Variants in SEMA4C observed in about 807,000 individuals in gnomAD.
SEMA4C encodes semaphorin 4C.
SEMA4C carries 19 observed loss-of-function variants against 89.0 expected under a neutral mutation model. The observed-to-expected ratio is 0.21, with a 90% CI of 0.15 to 0.31. SEMA4C has a LOEUF of 0.31. Ranked by LOEUF, SEMA4C falls within the 10% of genes least tolerant of loss-of-function variation. The probability of loss-of-function intolerance (pLI) is 1.00; values close to 1 mark genes in which losing one functional copy is unlikely to be tolerated. For missense variants in SEMA4C, 811 were observed against 1,107.0 expected (o/e 0.73, Z 3.79); for synonymous variants, 428 against 472.7 (o/e 0.91, Z 1.23).
intron 12 of SEMA4C, chr2:96,863,415 T>C (rs771079779): frequency 1.2e-4 from 144 of 1,226,666 alleles, no homozygotes; most frequent in Non-Finnish European, 1.3e-4. Context: ...GAAAGAAACA[T>C]GGGAGCAGTT....
Position 96,861,665 on chromosome 2 carries a change from G to C in SEMA4C, c.1602-16C>G. The stretch of plus-strand genomic sequence containing the variant: ...CAGTAGAGATCTGGTAGGGGATGTA[G>C]GGTACATCAGCAGCCTGGCTCCAAC... On this transcript the variant is annotated splice_polypyrimidine_tract_variant and intron_variant, in intron 13 of 14. Transcript: ENST00000305476. The surrounding 1 kb of genome is among the most constrained non-coding windows in gnomAD (Gnocchi z 7.8). The C allele has an allele frequency of 6.3e-7, 1 of 1,589,034 alleles. No individual in the cohort carries two copies. The highest frequency in any genetic ancestry group is 8.6e-7 in the Non-Finnish European group (1 of 1,164,766).
rs367619112 is a variant in SEMA4C at position 96,864,907 on chromosome 2, G to A, written c.787-27C>T. The A allele has an allele frequency of 8.1e-5, 130 of 1,611,290 alleles. No homozygotes were observed. Among genetic ancestry groups the A allele is most frequent in the Non-Finnish European group, 1.1e-4 (125 of 1,178,820 alleles). ...TGGCAGACGGCAAGGGGACACTGCCGGTCAGCCCCGCTGGGCCAGCAGGGC... is the reference window on the plus strand; with the variant it reads ...TGGCAGACGGCAAGGGGACACTGCCAGTCAGCCCCGCTGGGCCAGCAGGGC... On this transcript the variant is annotated intron_variant, in intron 8 of 14. Transcript: ENST00000305476. The surrounding 1 kb of genome is among the most constrained non-coding windows in gnomAD (Gnocchi z 6.3).
At position 96,870,025 on chromosome 2, in the gene SEMA4C, C is replaced by T; in HGVS notation, c.-187G>A. 2 of 985,524 alleles carry T rather than the reference C, an allele frequency of 2.0e-6. No homozygotes were observed. Among genetic ancestry groups the T allele is most frequent in the Non-Finnish European group, 2.4e-6 (2 of 829,520 alleles). The allele number at this position is 985,524 out of a possible 1,614,324, so 61.0% of individuals were successfully genotyped here. ...CCGCCCCTCCGTCCCCGCCCGGCTC[C>T]GCGCCCCTAGGCTCGGGCTCCCCGC... On this transcript the variant is annotated 5_prime_UTR_variant, in exon 1 of 15. Transcript: ENST00000305476.
intron 1 of SEMA4C, chr2:96,868,933 G>C: frequency 2.0e-6 from 2 of 985,408 alleles, no homozygotes; most frequent in East Asian, 2.3e-4. Context: ...CGTGCCAGGG[G>C]CGGAGACGCA....
chr2:96,866,169 C>T, intron 3 of SEMA4C, 114 bp downstream of exon 3: 1 of 1,435,224 alleles, frequency 7.0e-7, no homozygotes, highest in Middle Eastern at 2.6e-4. Flanking sequence ...GCCCCGGATG[C>T]CCAGCAGCAC....
rs1188612456 is a variant in SEMA4C at position 96,860,537 on chromosome 2, C to T, written c.*89G>A. The stretch of plus-strand genomic sequence containing the variant: ...GTATCTGTCCCAGACAGAGCAGGTG[C>T]CCGTGCCATGTCCCTGAGGTAGCTG... On this transcript the variant is annotated 3_prime_UTR_variant, in exon 15 of 15. Transcript: ENST00000305476. The T allele has an allele frequency of 1.7e-6, 2 of 1,189,484 alleles. No individual in the cohort carries two copies. Among genetic ancestry groups the T allele is most frequent in the African/African-American group, 1.5e-5 (1 of 65,980 alleles). The allele number at this position is 1,189,484 out of a possible 1,614,324, so 73.7% of individuals were successfully genotyped here. A position where few individuals can be genotyped will look rare whatever the true frequency, so the allele number is the denominator to read the frequency against.
In SEMA4C at chr2:96,860,265, A is replaced by G. The variant is rs1286321698; in HGVS notation, c.*361T>C. ...AAGACTTGACAGAAACAGGAAGGCTATGCCACAAGCGCGCACGCGCGTGCA... is the reference window on the plus strand; with the variant it reads ...AAGACTTGACAGAAACAGGAAGGCTGTGCCACAAGCGCGCACGCGCGTGCA... On this transcript the variant is annotated 3_prime_UTR_variant, in exon 15 of 15. Coordinates refer to ENST00000305476, the MANE Select transcript of SEMA4C (RefSeq NM_017789.5). 4 of 227,018 alleles carry G rather than the reference A, an allele frequency of 1.8e-5. No individual in the cohort carries two copies. The highest frequency in any genetic ancestry group is 4.5e-5 in the African/African-American group (2 of 44,154). The allele number at this position is 227,018 out of a possible 1,614,324, so 14.1% of individuals were successfully genotyped here.
At position 96,867,764 on chromosome 2, in the gene SEMA4C, C is replaced by G; in HGVS notation, c.109+14G>C. ...CCTGTCCCTGACTTCCTCCTCACCC[C>G]TCCAGGCACTCACCCCCAGAAGACA... On this transcript the variant is annotated intron_variant, in intron 2 of 14. Transcript: ENST00000305476. 1.9e-6 allele frequency: 3 copies of G among 1,612,610 alleles called. No homozygotes were observed. In the South Asian group the frequency reaches 3.3e-5, roughly 18 times the overall value.
intron 3 of SEMA4C, 58 bp downstream of exon 3, chr2:96,866,225 C>A: frequency 6.5e-7 from 1 of 1,544,786 alleles, no homozygotes; most frequent in South Asian, 1.2e-5. Context: ...CCAAGCACAG[C>A]CCCTCTGGGC....
chr2:96,864,986 G>C lies in SEMA4C; in HGVS notation c.764C>G (p.Ala255Gly). The change falls in exon 8 of 15, where the codon GCT (alanine) becomes GGT (glycine). Residue 255 changes from alanine to glycine, a missense_variant. By Grantham distance (60) the Ala-to-Gly change is moderately conservative. Coordinates refer to ENST00000305476, the MANE Select transcript of SEMA4C (RefSeq NM_017789.5). The surrounding 1 kb of genome is among the most constrained non-coding windows in gnomAD (Gnocchi z 6.3). ...ESDCYAEQVV[A>G]RVARVCKGDM... ...TACCTTGCAGACACGGGCCACACGA[G>C]CCACCACCTGCTCGGCATAGCAGTC... is the stretch of plus-strand genomic sequence containing the variant. 1 of 1,570,214 alleles carries C rather than the reference G, an allele frequency of 6.4e-7. No individual in the cohort carries two copies. Among genetic ancestry groups the C allele is most frequent in the Non-Finnish European group, 8.6e-7 (1 of 1,157,954 alleles).
chr2:96,864,650 T>C lies in SEMA4C; in HGVS notation c.962+55A>G. 1 of 1,559,328 alleles carries C rather than the reference T, an allele frequency of 6.4e-7. No individual in the cohort carries two copies. Among genetic ancestry groups the C allele is most frequent in the Non-Finnish European group, 8.7e-7 (1 of 1,148,870 alleles). ...GGTCCAGGCTCCCACCCATGCACCG[T>C]CCCTGACCTGAACCCCAGCTCCTCC... On this transcript the variant is annotated intron_variant, in intron 9 of 14. Transcript: ENST00000305476. This position sits in a 1 kb window ranked among gnomAD's most constrained non-coding sequence, Gnocchi z 6.3.
In SEMA4C at chr2:96,860,265, A is replaced by C; in HGVS notation, c.*361T>G. On this transcript the variant is annotated 3_prime_UTR_variant, in exon 15 of 15. Coordinates refer to ENST00000305476, the MANE Select transcript of SEMA4C (RefSeq NM_017789.5). ...AAGACTTGACAGAAACAGGAAGGCTATGCCACAAGCGCGCACGCGCGTGCA... is the reference window on the plus strand; with the variant it reads ...AAGACTTGACAGAAACAGGAAGGCTCTGCCACAAGCGCGCACGCGCGTGCA... The C allele has an allele frequency of 4.4e-6, 1 of 227,136 alleles. No homozygotes were observed. The highest frequency in any genetic ancestry group is 8.5e-6 in the Non-Finnish European group (1 of 117,010). 14.1% of individuals were successfully genotyped at this position (227,136 alleles called of 1,614,324 possible).
At chr2:96,866,658 G>A in intron 2 of SEMA4C, 1 of 690,380 alleles carries the variant, frequency 1.4e-6, no homozygotes, top group Non-Finnish European at 2.6e-6. Flanking sequence ...CTGGGAGGAA[G>A]GAAGGATATC....
intron 1 of SEMA4C, chr2:96,869,321 C>T: frequency 1.0e-6 from 1 of 985,324 alleles, no homozygotes; most frequent in South Asian, 4.7e-5. Flanking sequence ...GGGATCCAGG[C>T]GGGGCACCCC....
rs764339263 is a variant in SEMA4C, at chr2:96,864,373, C to T, written c.972G>A (p.Met324Ile). The change falls in exon 10 of 15, where the codon ATG becomes ATA. Residue 324 changes from methionine to isoleucine, a missense_variant. Met to Ile is a conservative substitution (Grantham distance 10, BLOSUM62 1). This residue lies in a region of SEMA4C where 441 missense variants were observed against 664.9 expected (regional missense o/e 0.66). Transcript: ENST00000305476. The surrounding 1 kb of genome is among the most constrained non-coding windows in gnomAD (Gnocchi z 6.3). The part of the protein sequence containing the change: ...FGVFQAQWGD[M>I]YLSAICEYQL... Reference sequence around the variant, plus strand: ...GGTACTCACAGATGGCCGACAGGTACATGTCACCCCTGTCACAGCGAGAGG... The same window carrying T: ...GGTACTCACAGATGGCCGACAGGTATATGTCACCCCTGTCACAGCGAGAGG... The T allele has an allele frequency of 5.0e-6, 8 of 1,613,632 alleles. No individual in the cohort carries two copies. In the Admixed American group the frequency reaches 5.0e-5, roughly 10 times the overall value.
chr2:96,869,672 T>C (rs1029670671), intron 1 of SEMA4C: 15 of 985,060 alleles, frequency 1.5e-5, no homozygotes, highest in Non-Finnish European at 1.8e-5. Context: ...CTGCAGGTGC[T>C]GTGCGCCCCA....
In SEMA4C at chr2:96,863,753, C is replaced by T. The variant is rs764016380; in HGVS notation, c.1372G>A (p.Val458Ile). ...AGCTGCAGCTCCTCAATCAGGTGAA[C>T]CCAGGGCCCCAGGCTCACAGCCTTG... ...LLKAVSLGPW[V>I]HLIEELQLFD... is the part of the protein sequence containing the mutation. The change falls in exon 12 of 15, where the codon GTT (valine) becomes ATT (isoleucine). Residue 458 changes from valine (V) to isoleucine (I), a missense_variant. By Grantham distance (29) the Val-to-Ile change is conservative (BLOSUM62 3). Around this residue, in one of 4 missense-constraint regions of SEMA4C, gnomAD observed 441 missense variants for 664.9 expected, o/e 0.66. Transcript: ENST00000305476. The T allele has an allele frequency of 4.0e-5, 64 of 1,613,896 alleles. No individual in the cohort carries two copies. The highest frequency in any genetic ancestry group is 6.7e-5 in the Admixed American group (4 of 60,004).
rs2080006973 is a variant in SEMA4C at position 96,863,806 on chromosome 2, AGAG to A, written c.1331-15_1331-13del. Reference sequence around the variant, plus strand: ...CAGCCAGCCGTCTCCTGGGGGGTGCAGAGGAGAAGGTGTAAATGAGAGGGCACA... The same window carrying A: ...CAGCCAGCCGTCTCCTGGGGGGTGCAGAGAAGGTGTAAATGAGAGGGCACA... On this transcript the variant is annotated splice_polypyrimidine_tract_variant and intron_variant, in intron 11 of 14. Transcript: ENST00000305476. 3 of 1,612,316 alleles carry A rather than the reference AGAG, an allele frequency of 1.9e-6. No homozygotes were observed. The highest frequency in any genetic ancestry group is 2.5e-6 in the Non-Finnish European group (3 of 1,178,678).
At chr2:96,866,927 A>G in intron 2 of SEMA4C, 1 of 316,134 alleles carries the variant, frequency 3.2e-6, no homozygotes. Flanking sequence ...AGATGCGAGC[A>G]CAGCAGGCCA....
Sources: allele counts gnomAD v4.1 joint callset, GRCh38; gene constraint gnomAD v4.1.1; regional missense constraint gnomAD v4.1.1; non-coding constraint Gnocchi (gnomAD v3.1); transcripts MANE v1.5; gene names NCBI Gene and HGNC (gene_info 2026-07-23, HGNC 2026-07-21).